The following PTPRD variants were observed in gnomAD, a reference collection of about 807,000 sequenced individuals.
The protein encoded by PTPRD is receptor-type tyrosine-protein phosphatase delta.
A neutral mutation model predicts 214.5 loss-of-function variants in PTPRD; 34 were observed. That is an observed-to-expected ratio of 0.16 (90% CI 0.12 to 0.21). The LOEUF is 0.21. PTPRD is among the 10% of genes least tolerant of loss of function. PTPRD has a pLI of 1.00. For synonymous variants in PTPRD, 1,128 were observed against 845.7 expected (o/e 1.33, Z -5.79); for missense variants, 2,545 against 2,398.7 (o/e 1.06, Z -1.27).
intron 8 of PTPRD, among the ~76,000 whole-genome samples, chr9:9,512,317 G>C (rs2096728457): frequency 6.6e-6 from 1 of 151,766 alleles, no homozygotes; most frequent in Non-Finnish European, 1.5e-5. Flanking sequence ...CTATTTTTCT[G>C]GGTATATGAG....
rs1205493041 is a variant in PTPRD at position 8,330,816 on chromosome 9, G to C, written c.5534+766C>G. 2.0e-5 allele frequency among the ~76,000 whole-genome samples: 3 copies of C among 151,448 alleles called. No individual in the cohort carries two copies. The East Asian group carries it at 5.8e-4, about 29-fold the overall frequency. On this transcript the variant is annotated intron_variant, in intron 44 of 45. Coordinates refer to ENST00000381196, the MANE Select transcript of PTPRD (RefSeq NM_002839.4). Reference sequence around the variant, plus strand: ...CTATAGTTTTCTTTGATGTGCTGAAGCAAAATATATTTTTTAATAAACTCT... The same window carrying C: ...CTATAGTTTTCTTTGATGTGCTGAACCAAAATATATTTTTTAATAAACTCT...
chr9:10,031,383 T>C (rs2097063203), intron 4 of PTPRD, among the ~76,000 whole-genome samples: 1 of 151,728 alleles, frequency 6.6e-6, no homozygotes, highest in African/African-American at 2.4e-5. Flanking sequence ...ACCCTTAATC[T>C]GGCAGGCACC....
At chr9:10,410,092 TA>T (rs1383302300) in intron 2 of PTPRD, among the ~76,000 whole-genome samples, 1 of 151,398 alleles carries the variant, frequency 6.6e-6, no homozygotes, top group Non-Finnish European at 1.5e-5. Flanking sequence ...ATAATAAATA[TA>T]ATATATCAAT....
At chr9:8,626,892 A>C in intron 14 of PTPRD, among the ~76,000 whole-genome samples, 1 of 151,718 alleles carries the variant, frequency 6.6e-6, no homozygotes, top group East Asian at 1.9e-4. Flanking sequence ...ATTTGTTAAA[A>C]TAAGGCTCTT....
chr9:8,584,583 C>T (rs999049149), intron 14 of PTPRD, among the ~76,000 whole-genome samples: 1 of 152,150 alleles, frequency 6.6e-6, no homozygotes, highest in Non-Finnish European at 1.5e-5. Context: ...ATCTATCATT[C>T]ATGCACTCAT....
chr9:8,932,881 G>C (rs35831393), intron 11 of PTPRD, among the ~76,000 whole-genome samples: 18,008 of 152,100 alleles, frequency 0.12, 1,205 homozygotes, highest in South Asian at 0.19. Context: ...GGAATGAAAG[G>C]TTCTGTCTTG....
At chr9:8,939,129 A>G (rs1013183364) in intron 11 of PTPRD, among the ~76,000 whole-genome samples, 1 of 152,210 alleles carries the variant, frequency 6.6e-6, no homozygotes, top group Non-Finnish European at 1.5e-5. Context: ...AGAATCTCTT[A>G]ATGAGAATGA....
chr9:8,401,059 C>T (rs1408564239), intron 36 of PTPRD, among the ~76,000 whole-genome samples: 1 of 152,118 alleles, frequency 6.6e-6, no homozygotes, highest in Non-Finnish European at 1.5e-5. Context: ...TTGGATTCTA[C>T]AAGTTTAGGC....
intron 11 of PTPRD, among the ~76,000 whole-genome samples, chr9:8,826,326 C>T (rs895280983): frequency 6.6e-6 from 1 of 152,098 alleles, no homozygotes; most frequent in Admixed American, 6.6e-5. Flanking sequence ...TCCATTGTTT[C>T]ACCCCTCAGC....
chr9:8,988,057 G>C (rs1000185356), intron 11 of PTPRD, among the ~76,000 whole-genome samples: 1 of 152,002 alleles, frequency 6.6e-6, no homozygotes, highest in Non-Finnish European at 1.5e-5. Flanking sequence ...GTTGGGGAGA[G>C]AGAGAGAGAT....
intron 2 of PTPRD, among the ~76,000 whole-genome samples, chr9:10,420,854 T>C (rs1446809859): frequency 1.3e-5 from 2 of 151,824 alleles, no homozygotes; most frequent in Non-Finnish European, 2.9e-5. Flanking sequence ...TTTTATTCTT[T>C]ATAAGTTATT....
At chr9:10,085,661 A>G (rs1259535641) in intron 3 of PTPRD, among the ~76,000 whole-genome samples, 1 of 151,728 alleles carries the variant, frequency 6.6e-6, no homozygotes, top group African/African-American at 2.4e-5. Flanking sequence ...CATGCCTCCC[A>G]TCACCATCAC....
chr9:8,437,353 T>C (rs755510136), intron 34 of PTPRD: 14 of 807,104 alleles, frequency 1.7e-5, no homozygotes, highest in Non-Finnish European at 2.7e-5. Flanking sequence ...GCTGCAAGTT[T>C]TTACAGAATT....
chr9:9,424,989 G>A (rs4742596), intron 8 of PTPRD, among the ~76,000 whole-genome samples: 122,458 of 152,086 alleles, frequency 0.81, 49,428 homozygotes, highest in Non-Finnish European at 0.81. Context: ...TGCTTTGACC[G>A]GTAGATTTCA....
intron 3 of PTPRD, among the ~76,000 whole-genome samples, chr9:10,209,054 T>C (rs929977767): frequency 3.3e-5 from 5 of 152,214 alleles, no homozygotes; most frequent in African/African-American, 1.2e-4. Context: ...CTGGCTTCCA[T>C]GTTTAAGTTT....
In PTPRD at chr9:8,389,374, T is replaced by C. The variant is rs893240577; in HGVS notation, c.4244A>G (p.Tyr1415Cys). ...IPGSDYVNAN[Y>C]IDGYRKQNAY... ...ATTTTGCTTCCTATACCCATCTATG[T>C]AGTTGGCATTCACATAGTCACTTCC... Residue 1415 changes from tyrosine to cysteine, a missense_variant, in exon 37 of 46, where the codon TAC becomes TGC. Transcript: ENST00000381196. 1.2e-6 allele frequency: 2 copies of C among 1,611,102 alleles called. No individual in the cohort carries two copies. Among genetic ancestry groups the C allele is most frequent in the South Asian group, 2.2e-5 (2 of 90,504 alleles).
At chr9:10,323,271 TCCCC>T (rs1315351202) in intron 3 of PTPRD, among the ~76,000 whole-genome samples, 1 of 52,780 alleles carries the variant, frequency 1.9e-5, no homozygotes, top group Non-Finnish European at 3.3e-5. Flanking sequence ...TCCCCTCCCC[TCCCC>T]TCCCCTCTCC....
intron 3 of PTPRD, among the ~76,000 whole-genome samples, chr9:10,126,688 A>G (rs1237934393): frequency 6.6e-6 from 1 of 152,118 alleles, no homozygotes; most frequent in African/African-American, 2.4e-5. Context: ...TTCAGGAAAA[A>G]GTTAACATAG....
intron 9 of PTPRD, among the ~76,000 whole-genome samples, chr9:9,296,742 G>T (rs1595369231): frequency 6.6e-6 from 1 of 151,856 alleles, no homozygotes; most frequent in East Asian, 2.0e-4. Flanking sequence ...TAAATAAGAA[G>T]TTTTTTGTGT....
Sources: gnomAD v4.1 joint callset for allele counts (sites outside exome capture counted in the v4.1 genomes callset) on GRCh38, gnomAD v4.1.1 for gene constraint, MANE v1.5 for transcripts, NCBI Gene and HGNC (gene_info 2026-07-23, HGNC 2026-07-21) for gene names.